The following CYTH1 variants were observed in gnomAD, a reference collection of about 807,000 sequenced individuals.
CYTH1 encodes cytohesin 1.
Under a neutral mutation model 61.8 loss-of-function variants are expected in CYTH1, and 18 were observed. The observed-to-expected ratio is 0.29, with a 90% CI of 0.20 to 0.43. The LOEUF (loss-of-function observed/expected upper bound fraction) is 0.43, where lower values mean the gene tolerates loss of function less well. Among genes scored for constraint, CYTH1 ranks in the 20% least tolerant of loss-of-function variants. CYTH1 has a pLI of 1.00. For missense variants in CYTH1, 336 were observed against 510.5 expected (o/e 0.66, Z 3.29); for synonymous variants, 174 against 184.3 (o/e 0.94, Z 0.45).
intron 11 of CYTH1, among the ~76,000 whole-genome samples, chr17:78,681,434 G>A (rs1191018046): frequency 6.6e-6 from 1 of 152,066 alleles, no homozygotes; most frequent in African/African-American, 2.4e-5. Flanking sequence ...TTTCACCCTA[G>A]CGCCCCGATG....
intron 1 of CYTH1, among the ~76,000 whole-genome samples, chr17:78,771,729 TA>T (rs752607880): frequency 3.0e-3 from 351 of 117,772 alleles, no homozygotes; most frequent in South Asian, 5.0e-3. Context: ...GATTCCATCT[TA>T]AAAAAAAAAA....
chr17:78,705,658 G>A (rs903506525), intron 3 of CYTH1, among the ~76,000 whole-genome samples: 1 of 152,160 alleles, frequency 6.6e-6, no homozygotes, highest in African/African-American at 2.4e-5. Context: ...TGCAGGGTGA[G>A]CCTGAGTACC....
chr17:78,699,460 C>T (rs543704368), intron 7 of CYTH1, among the ~76,000 whole-genome samples: 6 of 151,610 alleles, frequency 4.0e-5, no homozygotes, highest in South Asian at 4.2e-4. Flanking sequence ...GAGCAAGGCA[C>T]GAAAAAGTAT....
chr17:78,684,867 A>G (rs183786251), intron 11 of CYTH1, among the ~76,000 whole-genome samples: 1 of 152,366 alleles, frequency 6.6e-6, no homozygotes, highest in Admixed American at 6.5e-5. Context: ...AGTTCCTGAA[A>G]TAACCTTATT....
In CYTH1 at chr17:78,764,665, T is replaced by C. The variant is rs185988851; in HGVS notation, c.22+17537A>G. 1.1e-3 allele frequency among the ~76,000 whole-genome samples: 162 copies of C among 152,286 alleles called. 1 individual carries two copies. The highest frequency in any genetic ancestry group is 3.7e-3 in the African/African-American group (155 of 41,570). ...TGCACGAGGTAAGAGGGATCTATTT[T>C]AACTGCAACTCCCAAGTTTCCATGA... On this transcript the variant is annotated intron_variant, in intron 1 of 13. Coordinates refer to ENST00000446868, the MANE Select transcript of CYTH1 (RefSeq NM_004762.6).
chr17:78,707,888 C>G (rs1487170409), intron 3 of CYTH1, among the ~76,000 whole-genome samples: 8 of 152,062 alleles, frequency 5.3e-5, no homozygotes, highest in Non-Finnish European at 8.8e-5. Context: ...ACCATGTTGG[C>G]CAGGATGGTC....
At chr17:78,737,288 T>C (rs2093324367) in intron 1 of CYTH1, among the ~76,000 whole-genome samples, 1 of 152,180 alleles carries the variant, frequency 6.6e-6, no homozygotes, top group Non-Finnish European at 1.5e-5. Context: ...TAATACCAAA[T>C]ACAATGTAAC....
chr17:78,701,594 A>G (rs1190107914), intron 6 of CYTH1, 77 bp downstream of exon 6: 58 of 1,290,898 alleles, frequency 4.5e-5, no homozygotes, highest in Non-Finnish European at 5.9e-5. Flanking sequence ...TTTCAATAAA[A>G]TGCCCCCCAG....
chr17:78,681,862 A>G (rs1220717294), intron 11 of CYTH1, among the ~76,000 whole-genome samples: 1 of 150,570 alleles, frequency 6.6e-6, no homozygotes, highest in Non-Finnish European at 1.5e-5. Flanking sequence ...AAAACCAACC[A>G]GTTCTATGAG....
At chr17:78,680,395 T>C in intron 12 of CYTH1, 51 bp from the exon 13 acceptor site, 1 of 1,547,522 alleles carries the variant, frequency 6.5e-7, no homozygotes, top group South Asian at 1.2e-5. Context: ...AGCTGTTAAC[T>C]GAGAAACATG....
chr17:78,677,091 G>A (rs1480152222), intron 13 of CYTH1: 3 of 455,842 alleles, frequency 6.6e-6, no homozygotes, highest in Admixed American at 2.4e-5. Context: ...AAATGCTTCC[G>A]CAGCTCCCCG....
At chr17:78,749,721 A>C (rs1284216079) in intron 1 of CYTH1, among the ~76,000 whole-genome samples, 1 of 152,148 alleles carries the variant, frequency 6.6e-6, no homozygotes, top group Non-Finnish European at 1.5e-5. Flanking sequence ...ATCTTGCTTT[A>C]GAAGGCAGGT....
chr17:78,724,189 CA>C (rs2093252923), intron 1 of CYTH1: 1 of 152,076 alleles, frequency 6.6e-6, no homozygotes, highest in African/African-American at 2.4e-5. Flanking sequence ...CTGAGGATAG[CA>C]GCTCTCAAAC....
intron 1 of CYTH1, among the ~76,000 whole-genome samples, chr17:78,720,238 A>T (rs1490953268): frequency 6.6e-6 from 1 of 152,156 alleles, no homozygotes; most frequent in Non-Finnish European, 1.5e-5. Context: ...ATTTTTTGTT[A>T]TATGTATTTT....
At chr17:78,711,257 A>G (rs1433595614) in intron 1 of CYTH1, among the ~76,000 whole-genome samples, 1 of 145,442 alleles carries the variant, frequency 6.9e-6, no homozygotes, top group Admixed American at 6.9e-5. Context: ...ACAAGACTCC[A>G]TCTCAAATAA....
chr17:78,724,212 C>T (rs1035380467), intron 1 of CYTH1, among the ~76,000 whole-genome samples: 11 of 152,088 alleles, frequency 7.2e-5, no homozygotes, highest in African/African-American at 1.2e-4. Context: ...TCAGAGGGCA[C>T]GAGAATCACC....
intron 1 of CYTH1, among the ~76,000 whole-genome samples, chr17:78,749,290 T>TC (rs1431447994): frequency 1.3e-5 from 2 of 151,794 alleles, no homozygotes; most frequent in Non-Finnish European, 2.9e-5. Flanking sequence ...CGAAACCCCG[T>TC]CTCCACTAAA....
At chr17:78,679,129 T>C (rs1373860243) in intron 13 of CYTH1, among the ~76,000 whole-genome samples, 2 of 152,214 alleles carry the variant, frequency 1.3e-5, no homozygotes, top group Non-Finnish European at 2.9e-5. Flanking sequence ...CTAGAGGATA[T>C]TGCACACCCT....
chr17:78,754,167 G>C (rs1003653150), intron 1 of CYTH1, among the ~76,000 whole-genome samples: 1 of 152,150 alleles, frequency 6.6e-6, no homozygotes, highest in African/African-American at 2.4e-5. Context: ...AACTCGGAAA[G>C]GAAAGGCATG....
Sources: gnomAD v4.1 joint callset for allele counts (sites outside exome capture counted in the v4.1 genomes callset) on GRCh38, gnomAD v4.1.1 for gene constraint, MANE v1.5 for transcripts, NCBI Gene and HGNC (gene_info 2026-07-23, HGNC 2026-07-21) for gene names.